Variants in ZFPM2 observed in about 807,000 individuals in gnomAD.
ZFPM2 encodes zinc finger protein, FOG family member 2, also known as zinc finger protein ZFPM2.
In ZFPM2, 20 loss-of-function variants were observed where a neutral mutation model predicts 98.6. The ratio of observed to expected loss-of-function variants is 0.20; its 90% CI spans 0.14 to 0.29. ZFPM2 has a LOEUF of 0.29. Among genes scored for constraint, ZFPM2 ranks in the 10% least tolerant of loss-of-function variants. The pLI is 1.00. For synonymous variants in ZFPM2, 518 were observed against 502.7 expected (o/e 1.03, Z -0.41); for missense variants, 1,310 against 1,388.6 (o/e 0.94, Z 0.90).
intron 5 of ZFPM2, among the ~76,000 whole-genome samples, chr8:105,667,158 AT>A (rs1262377396): frequency 6.6e-6 from 1 of 152,162 alleles, no homozygotes; most frequent in Non-Finnish European, 1.5e-5. Context: ...AAGGAAAACA[AT>A]TGTCATTACT....
intron 6 of ZFPM2, among the ~76,000 whole-genome samples, chr8:105,795,084 C>T (rs968355191): frequency 1.3e-5 from 2 of 152,158 alleles, no homozygotes; most frequent in African/African-American, 4.8e-5. Flanking sequence ...GTGCGCTGCA[C>T]CCACTGACCT....
At chr8:105,618,015 G>A (rs1245623069) in intron 4 of ZFPM2, among the ~76,000 whole-genome samples, 3 of 152,050 alleles carry the variant, frequency 2.0e-5, no homozygotes, top group African/African-American at 2.4e-5. Flanking sequence ...CCCAAACTGT[G>A]CAAATGTGAG....
intron 5 of ZFPM2, among the ~76,000 whole-genome samples, chr8:105,783,925 A>G (rs565574618): frequency 5.3e-5 from 8 of 152,154 alleles, no homozygotes; most frequent in Non-Finnish European, 1.0e-4. Context: ...TGCTAAAATC[A>G]TAGGTAATTC....
chr8:105,631,458 CTT>C (rs889033371), intron 4 of ZFPM2, among the ~76,000 whole-genome samples: 41 of 152,186 alleles, frequency 2.7e-4, no homozygotes, highest in Non-Finnish European at 5.4e-4. Context: ...GCACACTTGA[CTT>C]TGTTATAGAC....
intron 5 of ZFPM2, among the ~76,000 whole-genome samples, chr8:105,647,550 C>G (rs1817074126): frequency 6.7e-6 from 1 of 149,572 alleles, no homozygotes; most frequent in African/African-American, 2.5e-5. Flanking sequence ...ACAACAGGCC[C>G]CAGTGTGTGA....
At chr8:105,360,428 TATAAC>T (rs1468641555) in intron 1 of ZFPM2, among the ~76,000 whole-genome samples, 1 of 152,212 alleles carries the variant, frequency 6.6e-6, no homozygotes, top group African/African-American at 2.4e-5. Flanking sequence ...TTTTGGCAGA[TATAAC>T]ATAGCTTGTT....
At chr8:105,344,055 G>A (rs866109560) in intron 1 of ZFPM2, among the ~76,000 whole-genome samples, 4 of 152,070 alleles carry the variant, frequency 2.6e-5, no homozygotes, top group South Asian at 2.1e-4. Context: ...TTGTGCAAGG[G>A]AACTCCTCTT....
At chr8:105,458,827 C>T (rs1480470653) in intron 3 of ZFPM2, among the ~76,000 whole-genome samples, 1 of 151,658 alleles carries the variant, frequency 6.6e-6, no homozygotes, top group African/African-American at 2.4e-5. Context: ...TTTTCCAGAA[C>T]ATTATCATAT....
At chr8:105,531,616 A>T (rs1814299515) in intron 3 of ZFPM2, among the ~76,000 whole-genome samples, 1 of 152,176 alleles carries the variant, frequency 6.6e-6, no homozygotes, top group Non-Finnish European at 1.5e-5. Context: ...GGATTTCAAC[A>T]TATCTTTTGG....
At chr8:105,431,802 C>T (rs1812025172) in intron 2 of ZFPM2, among the ~76,000 whole-genome samples, 1 of 151,652 alleles carries the variant, frequency 6.6e-6, no homozygotes, top group African/African-American at 2.4e-5. Flanking sequence ...TACCTGTGGC[C>T]CCAGCTACTT....
At chr8:105,440,796 C>T (rs1422431616) in intron 2 of ZFPM2, among the ~76,000 whole-genome samples, 1 of 152,158 alleles carries the variant, frequency 6.6e-6, no homozygotes, top group African/African-American at 2.4e-5. Context: ...TACCTGACCT[C>T]TCTCTCCTCC....
intron 4 of ZFPM2, among the ~76,000 whole-genome samples, chr8:105,580,989 G>T: frequency 6.6e-6 from 1 of 151,886 alleles, no homozygotes; most frequent in East Asian, 1.9e-4. Context: ...CGAGTGAGTA[G>T]TGACCAACTC....
intron 3 of ZFPM2, among the ~76,000 whole-genome samples, chr8:105,545,053 A>G (rs571535561): frequency 6.6e-6 from 1 of 152,304 alleles, no homozygotes; most frequent in Admixed American, 6.5e-5. Flanking sequence ...TCCTTGGTTT[A>G]GAAGCTGAAA....
At chr8:105,790,335 A>C (rs1342868896) in intron 6 of ZFPM2, among the ~76,000 whole-genome samples, 4 of 152,080 alleles carry the variant, frequency 2.6e-5, no homozygotes, top group African/African-American at 9.7e-5. Flanking sequence ...CCATTTATTA[A>C]ATAGGGAATC....
intron 4 of ZFPM2, among the ~76,000 whole-genome samples, chr8:105,590,399 T>C (rs1183142895): frequency 6.6e-6 from 1 of 152,226 alleles, no homozygotes; most frequent in Non-Finnish European, 1.5e-5. Context: ...TCATATAGTG[T>C]ACAGCCTGTG....
At chr8:105,352,895 A>G (rs1586311094) in intron 1 of ZFPM2, among the ~76,000 whole-genome samples, 1 of 152,062 alleles carries the variant, frequency 6.6e-6, no homozygotes, top group Non-Finnish European at 1.5e-5. Flanking sequence ...CTATTCGTCT[A>G]TACCAGTCAG....
chr8:105,573,563 AG>A (rs1352743639), intron 4 of ZFPM2, among the ~76,000 whole-genome samples: 4 of 152,238 alleles, frequency 2.6e-5, no homozygotes, highest in Non-Finnish European at 1.5e-5. Context: ...TGTGAAAATG[AG>A]GTATATTTTA....
chr8:105,346,540 TG>T (rs1812532418), intron 1 of ZFPM2, among the ~76,000 whole-genome samples: 1 of 152,204 alleles, frequency 6.6e-6, no homozygotes, highest in Admixed American at 6.5e-5. Context: ...GATGCAGTTA[TG>T]ACAGATATAT....
intron 5 of ZFPM2, among the ~76,000 whole-genome samples, chr8:105,731,680 A>G (rs1469028627): frequency 2.0e-5 from 3 of 151,720 alleles, no homozygotes; most frequent in Admixed American, 1.3e-4. Flanking sequence ...TGAATGAACA[A>G]TCAAAAGAGA....
Sources: allele counts gnomAD v4.1 joint callset (sites outside exome capture counted in the v4.1 genomes callset), GRCh38; gene constraint gnomAD v4.1.1; transcripts MANE v1.5; gene names NCBI Gene and HGNC (gene_info 2026-07-23, HGNC 2026-07-21).